Variants in CACHD1 observed in about 807,000 individuals in gnomAD.
CACHD1 encodes the protein VWFA and cache domain-containing protein 1.
In CACHD1, 71 loss-of-function variants were observed where a neutral mutation model predicts 138.7. The ratio of observed to expected loss-of-function variants is 0.51; its 90% CI spans 0.42 to 0.62. The LOEUF is 0.62. Among genes scored for constraint, CACHD1 ranks in the 20% least tolerant of loss-of-function variants. The pLI is 0.00. For missense variants in CACHD1, 1,389 were observed against 1,625.3 expected, an observed-to-expected ratio of 0.85 and a Z score of 2.50; for synonymous variants, 578 against 591.5, an observed-to-expected ratio of 0.98 and a Z score of 0.33.
At chr1:64,507,593 G>A (rs1008168203) in intron 1 of CACHD1, among the ~76,000 whole-genome samples, 2 of 152,192 alleles carry the variant, frequency 1.3e-5, no homozygotes, top group African/African-American at 4.8e-5. Flanking sequence ...TGGGAGAACT[G>A]GAGTAGGAAT....
intron 1 of CACHD1, among the ~76,000 whole-genome samples, chr1:64,477,494 C>A (rs1482536951): frequency 2.6e-5 from 4 of 151,846 alleles, no homozygotes; most frequent in South Asian, 2.1e-4. Context: ...ATATGAATAT[C>A]CACATACCTC....
At chr1:64,501,047 CAAA>C (rs367553078) in intron 1 of CACHD1, among the ~76,000 whole-genome samples, 1 of 105,184 alleles carries the variant, frequency 9.5e-6, no homozygotes. Flanking sequence ...GATTCTGTCT[CAAA>C]AAAAAAAAAA....
At chr1:64,688,771 A>C (rs11208505) in intron 26 of CACHD1, among the ~76,000 whole-genome samples, 19 of 136,140 alleles carry the variant, frequency 1.4e-4, no homozygotes, top group East Asian at 8.2e-4. Context: ...CCACCGCCCC[A>C]ACCCCCAGCA....
intron 4 of CACHD1, among the ~76,000 whole-genome samples, chr1:64,609,995 GA>G (rs146401946): frequency 0.099 from 15,117 of 152,182 alleles, 793 homozygotes; most frequent in Middle Eastern, 0.19. Flanking sequence ...GACTGAAGGG[GA>G]AGCAAACATG....
intron 2 of CACHD1, among the ~76,000 whole-genome samples, chr1:64,575,584 G>A (rs751216584): frequency 7.9e-5 from 12 of 152,096 alleles, no homozygotes; most frequent in Admixed American, 2.0e-4. Flanking sequence ...TCTTACCATG[G>A]CACAAAGGTT....
At chr1:64,489,271 G>T (rs904694367) in intron 1 of CACHD1, among the ~76,000 whole-genome samples, 68 of 152,228 alleles carry the variant, frequency 4.5e-4, no homozygotes, top group African/African-American at 1.6e-3. Context: ...GTTGCCCTGA[G>T]ACTTTTTCCA....
intron 16 of CACHD1, among the ~76,000 whole-genome samples, chr1:64,668,702 A>G (rs1332568028): frequency 6.6e-6 from 1 of 152,236 alleles, no homozygotes; most frequent in Non-Finnish European, 1.5e-5. Context: ...TGCCCTGTGC[A>G]ATATGAAATC....
chr1:64,489,565 T>C (rs76517467), intron 1 of CACHD1, among the ~76,000 whole-genome samples: 1 of 152,304 alleles, frequency 6.6e-6, no homozygotes, highest in East Asian at 1.9e-4. Flanking sequence ...AGAAATGGGA[T>C]TTTAATCCAA....
intron 1 of CACHD1, among the ~76,000 whole-genome samples, chr1:64,531,582 G>C (rs1646586651): frequency 6.6e-6 from 1 of 151,970 alleles, no homozygotes; most frequent in South Asian, 2.1e-4. Context: ...AAAAAAGACT[G>C]TCTTGAAGAA....
rs1430586670 is a variant in CACHD1 at position 64,561,763 on chromosome 1, TG to T, written c.261+11110del. On this transcript the variant is annotated intron_variant, in intron 2 of 26. Coordinates refer to ENST00000651257, the MANE Select transcript of CACHD1 (RefSeq NM_020925.4). ...GTCCCAGCTATTCAGGAGGCTGAGG[TG>T]GGACGATTGGTTGAGCCAAGGAGGT... Among the ~76,000 whole-genome samples the T allele has an allele frequency of 2.8e-5, 4 of 144,182 alleles. No homozygotes were observed. In the East Asian group the frequency reaches 8.2e-4, roughly 30 times the overall value. The allele number at this position is 144,182 out of a possible 152,430, so 94.6% of individuals were successfully genotyped here.
chr1:64,500,717 T>TAAAAAAAAAAAAAAAAAAAAAAA (rs72436564), intron 1 of CACHD1, among the ~76,000 whole-genome samples: 2 of 33,928 alleles, frequency 5.9e-5, no homozygotes, highest in African/African-American at 1.1e-4. Context: ...CCTTGTCTCT[T>TAAAAAAAAAAAAAAAAAAAAAAA]AAAAAAAAAA....
intron 1 of CACHD1, among the ~76,000 whole-genome samples, chr1:64,531,783 G>T (rs1164014274): frequency 6.6e-6 from 1 of 152,182 alleles, no homozygotes; most frequent in Non-Finnish European, 1.5e-5. Context: ...TACACTGACG[G>T]GTTTGGTTGG....
At chr1:64,673,086 T>C in intron 17 of CACHD1, 72 bp from the exon 18 acceptor site, 10 of 1,222,480 alleles carry the variant, frequency 8.2e-6, no homozygotes, top group Non-Finnish European at 1.1e-5. Flanking sequence ...GCAAGATAAA[T>C]GCTCTCTGAA....
rs543377470 is a variant in CACHD1, at chr1:64,625,749, T to G, written c.518-3606T>G. On this transcript the variant is annotated intron_variant, in intron 4 of 26. Transcript: ENST00000651257. ...TATATCCACATAACAAAACTGCATT[T>G]GTACCCCCTACATCTATAAAAATAA... 2.3e-3 allele frequency among the ~76,000 whole-genome samples: 345 copies of G among 152,326 alleles called. 2 individuals are homozygous for G. The highest frequency in any genetic ancestry group is 8.0e-3 in the African/African-American group (331 of 41,574).
intron 1 of CACHD1, among the ~76,000 whole-genome samples, chr1:64,498,868 T>C (rs1369450136): frequency 6.6e-6 from 1 of 152,236 alleles, no homozygotes; most frequent in Non-Finnish European, 1.5e-5. Flanking sequence ...GCAATAATCG[T>C]GTGCTTAAAG....
rs184228736 is a variant in CACHD1, at chr1:64,526,293, G to A, written c.199-24301G>A. 6.8e-4 allele frequency among the ~76,000 whole-genome samples: 103 copies of A among 152,294 alleles called. 1 individual carries two copies. The highest frequency in any genetic ancestry group is 3.4e-3 in the Middle Eastern group (1 of 294). On this transcript the variant is annotated intron_variant, in intron 1 of 26. Transcript: ENST00000651257. ...AAGTTATGGATGGTTTCTCTTCTCTGTGGCCCTTTCTTTTTCATTCATCTT... is the reference window on the plus strand; with the variant it reads ...AAGTTATGGATGGTTTCTCTTCTCTATGGCCCTTTCTTTTTCATTCATCTT...
intron 2 of CACHD1, among the ~76,000 whole-genome samples, chr1:64,566,479 T>TCCGC (rs1491151032): frequency 1.7e-5 from 2 of 120,646 alleles, no homozygotes; most frequent in Non-Finnish European, 3.6e-5. Flanking sequence ...TGTTTTCAAT[T>TCCGC]CCCCCCCCCC....
chr1:64,565,367 G>A (rs1387617878), intron 2 of CACHD1, among the ~76,000 whole-genome samples: 1 of 152,128 alleles, frequency 6.6e-6, no homozygotes, highest in African/African-American at 2.4e-5. Context: ...GCAAAAGAAA[G>A]GTTGAGAGGT....
At chr1:64,523,535 A>T (rs562823952) in intron 1 of CACHD1, among the ~76,000 whole-genome samples, 16 of 152,294 alleles carry the variant, frequency 1.1e-4, no homozygotes, top group African/African-American at 3.8e-4. Context: ...AGTTCCTGGA[A>T]CAAACACTTT....
Sources: allele counts gnomAD v4.1 joint callset (sites outside exome capture counted in the v4.1 genomes callset), GRCh38; gene constraint gnomAD v4.1.1; transcripts MANE v1.5; gene names NCBI Gene and HGNC (gene_info 2026-07-23, HGNC 2026-07-21).